KCNMA1: variants seen among roughly 807,000 people sequenced by gnomAD.
KCNMA1 encodes the protein Calcium-activated potassium channel subunit alpha-1.
KCNMA1 carries 29 observed loss-of-function variants against 140.0 expected under a neutral mutation model. That is an observed-to-expected ratio of 0.21 (90% CI 0.15 to 0.28). The LOEUF (loss-of-function observed/expected upper bound fraction) is 0.28, where lower values mean the gene tolerates loss of function less well. Among genes scored for constraint, KCNMA1 ranks in the 10% least tolerant of loss-of-function variants. The pLI, the probability that KCNMA1 is intolerant of heterozygous loss-of-function variation, is 1.00. For missense variants in KCNMA1, 880 were observed against 1,602.2 expected, an observed-to-expected ratio of 0.55 and a Z score of 7.70; for synonymous variants, 612 against 611.9, an observed-to-expected ratio of 1.00 and a Z score of 0.00.
intron 9 of KCNMA1, among the ~76,000 whole-genome samples, chr10:77,097,335 G>A (rs948151961): frequency 6.6e-6 from 1 of 152,148 alleles, no homozygotes; most frequent in African/African-American, 2.4e-5. Flanking sequence ...AAAGATAGGG[G>A]AGACATCATG....
chr10:77,446,512 G>A (rs2097532144), intron 1 of KCNMA1, among the ~76,000 whole-genome samples: 1 of 152,218 alleles, frequency 6.6e-6, no homozygotes. Context: ...GATTCTCAAG[G>A]CCCCGGTCAG....
At chr10:77,438,464 G>A (rs1321404548) in intron 1 of KCNMA1, among the ~76,000 whole-genome samples, 1 of 151,898 alleles carries the variant, frequency 6.6e-6, no homozygotes, top group Non-Finnish European at 1.5e-5. Flanking sequence ...TTGGGAAGCT[G>A]AGGCAGGAGA....
intron 2 of KCNMA1, among the ~76,000 whole-genome samples, chr10:77,396,376 C>T (rs1026988389): frequency 8.5e-5 from 13 of 152,228 alleles, no homozygotes; most frequent in African/African-American, 3.1e-4. Context: ...CCACCAGGCA[C>T]CACTGAGAAA....
intron 1 of KCNMA1, among the ~76,000 whole-genome samples, chr10:77,515,818 T>A (rs1241459234): frequency 6.6e-6 from 1 of 152,052 alleles, no homozygotes; most frequent in Non-Finnish European, 1.5e-5. Flanking sequence ...TGCCCCTCCC[T>A]CCAGCCCCTG....
chr10:77,441,045 G>A (rs1008694298), intron 1 of KCNMA1, among the ~76,000 whole-genome samples: 1 of 151,820 alleles, frequency 6.6e-6, no homozygotes, highest in South Asian at 2.1e-4. Context: ...GGGTGGTCTC[G>A]ATCTCCTGAC....
At chr10:77,457,532 C>G (rs964668237) in intron 1 of KCNMA1, among the ~76,000 whole-genome samples, 1 of 152,172 alleles carries the variant, frequency 6.6e-6, no homozygotes, top group Admixed American at 6.5e-5. Context: ...TCCCTTCCCC[C>G]TCTAGCCCTA....
intron 19 of KCNMA1, among the ~76,000 whole-genome samples, chr10:76,993,996 T>G (rs1474114717): frequency 1.3e-5 from 2 of 152,220 alleles, no homozygotes; most frequent in Non-Finnish European, 2.9e-5. Context: ...GGAGATTAAG[T>G]GACTTATCCA....
chr10:77,613,997 A>T (rs1343684120), intron 1 of KCNMA1, among the ~76,000 whole-genome samples: 10 of 152,178 alleles, frequency 6.6e-5, no homozygotes, highest in Non-Finnish European at 1.5e-4. Context: ...CATTGGCAAG[A>T]AGGAGCTGGG....
At chr10:76,914,237 A>G (rs1362240838) in intron 24 of KCNMA1, 11 of 883,366 alleles carry the variant, frequency 1.2e-5, no homozygotes, top group Admixed American at 2.1e-5. Context: ...TCTCAAGTAA[A>G]GGGACCCCGG....
intron 3 of KCNMA1, among the ~76,000 whole-genome samples, chr10:77,213,864 C>T (rs138633856): frequency 2.0e-5 from 3 of 152,252 alleles, no homozygotes; most frequent in East Asian, 1.9e-4. Flanking sequence ...TCCTTGTGCT[C>T]GCCTGTTCAC....
chr10:77,294,693 C>T (rs534955760), intron 2 of KCNMA1, among the ~76,000 whole-genome samples: 7 of 152,106 alleles, frequency 4.6e-5, no homozygotes, highest in South Asian at 4.2e-4. Flanking sequence ...CTGAGGTGGG[C>T]GGGTCATCTG....
At position 76,916,017 on chromosome 10, in the gene KCNMA1, A is replaced by AACAC. The variant is rs71649417; in HGVS notation, c.2903-972_2903-969dup. On this transcript the variant is annotated intron_variant, in intron 23 of 27. Transcript: ENST00000286628. ...CCCTATGTGAGATTTTATACACATA[A>AACAC]ACACACACACACACACACACACACA... Among the ~76,000 whole-genome samples, 1,103 of 146,288 alleles carry AACAC rather than the reference A, an allele frequency of 7.5e-3. 11 individuals carry two copies. Among genetic ancestry groups the AACAC allele is most frequent in the African/African-American group, 0.023 (904 of 39,706 alleles).
chr10:77,484,733 G>A (rs550210492), intron 1 of KCNMA1, among the ~76,000 whole-genome samples: 1 of 152,300 alleles, frequency 6.6e-6, no homozygotes, highest in Admixed American at 6.5e-5. Context: ...CCAAAGAGTC[G>A]CTAAGTCAGT....
Position 77,270,530 on chromosome 10 carries a change from C to CT in KCNMA1, c.541-19275dup, listed in dbSNP as rs796710174. ...TTTTCTTTTCTCTCTCTCTCTCTTT[C>CT]TTTTTTTTTTTTCCAGGGTCTTGCT... On this transcript the variant is annotated intron_variant, in intron 2 of 27. Coordinates refer to ENST00000286628, the MANE Select transcript of KCNMA1 (RefSeq NM_001161352.2). 1.3e-3 allele frequency among the ~76,000 whole-genome samples: 185 copies of CT among 142,498 alleles called. 1 individual carries two copies. The highest frequency in any genetic ancestry group is 7.2e-3 in the Middle Eastern group (2 of 278). The allele number at this position is 142,498 out of a possible 152,430, so 93.5% of individuals were successfully genotyped here.
At chr10:77,103,997 A>T (rs1327241515) in intron 9 of KCNMA1, among the ~76,000 whole-genome samples, 1 of 152,188 alleles carries the variant, frequency 6.6e-6, no homozygotes, top group Non-Finnish European at 1.5e-5. Context: ...GATGACATGG[A>T]GAGGCAGCAG....
At chr10:77,545,547 A>G (rs2154555867) in intron 1 of KCNMA1, among the ~76,000 whole-genome samples, 1 of 152,330 alleles carries the variant, frequency 6.6e-6, no homozygotes, top group East Asian at 1.9e-4. Context: ...CTGTCCAGCC[A>G]GCAGAGTATA....
At position 77,441,965 on chromosome 10, in the gene KCNMA1, CG is replaced by C. The variant is rs1023229042; in HGVS notation, c.379-37943del. Reference sequence around the variant, plus strand: ...CACCTGAGCCACCACAGCCTCAGGGCGGCTTCAGAACTGTCCTGGATGAGCT... The same window carrying C: ...CACCTGAGCCACCACAGCCTCAGGGCGCTTCAGAACTGTCCTGGATGAGCT... On this transcript the variant is annotated intron_variant, in intron 1 of 27. Transcript: ENST00000286628. Among the ~76,000 whole-genome samples the C allele has an allele frequency of 1.7e-4, 26 of 152,138 alleles. 1 individual carries two copies. Among genetic ancestry groups the C allele is most frequent in the Non-Finnish European group, 5.9e-5 (4 of 68,022 alleles).
chr10:77,634,392 G>A (rs963096914), intron 1 of KCNMA1: 1 of 985,432 alleles, frequency 1.0e-6, no homozygotes, highest in Non-Finnish European at 1.2e-6. Context: ...GTCATTCACT[G>A]TTTGAGATTC....
intron 5 of KCNMA1, chr10:77,149,881 T>G (rs928779059): frequency 2.0e-5 from 3 of 152,202 alleles, no homozygotes; most frequent in African/African-American, 7.2e-5. Flanking sequence ...TTAGTGGTCA[T>G]GTGGCAGCAG....
Sources: gnomAD v4.1 joint callset for allele counts (sites outside exome capture counted in the v4.1 genomes callset) on GRCh38, gnomAD v4.1.1 for gene constraint, MANE v1.5 for transcripts, NCBI Gene and HGNC (gene_info 2026-07-23, HGNC 2026-07-21) for gene names.